The following SPATA13 variants were observed in gnomAD, a reference collection of about 807,000 sequenced individuals.
SPATA13 encodes the protein spermatogenesis-associated protein 13.
A neutral mutation model predicts 104.0 loss-of-function variants in SPATA13; 50 were observed. The observed-to-expected ratio is 0.48, with a 90% CI of 0.38 to 0.61. The LOEUF (loss-of-function observed/expected upper bound fraction) is 0.61. SPATA13 is among the 20% of genes least tolerant of loss of function. The pLI is 0.00. For synonymous variants in SPATA13, 606 were observed against 667.5 expected (o/e 0.91, Z 1.42); for missense variants, 1,524 against 1,690.6 (o/e 0.90, Z 1.73).
chr13:24,122,441 C>T lies in SPATA13; in HGVS notation c.-111-100378C>T, dbSNP rs771973888. 565 of 1,599,452 alleles carry T rather than the reference C, an allele frequency of 3.5e-4. 2 individuals carry two copies. The highest frequency in any genetic ancestry group is 7.4e-4 in the East Asian group (33 of 44,788). On this transcript the variant is annotated intron_variant, in intron 3 of 14. Transcript: ENST00000424834. ...GCATCATCTTCTTACCAGTCTTCAT[C>T]GTCTCCATCTTCACCAGCCTGCTTA...
chr13:24,155,497 C>T (rs534008848), intron 3 of SPATA13, among the ~76,000 whole-genome samples: 2 of 152,054 alleles, frequency 1.3e-5, no homozygotes, highest in Non-Finnish European at 2.9e-5. Context: ...CACACACTCT[C>T]GGTGCCTAGA....
At position 24,302,297 on chromosome 13, in the gene SPATA13, C is replaced by G. The variant is rs1138013; in HGVS notation, c.3659-301C>G. Among the ~76,000 whole-genome samples, 9 of 151,666 alleles carry G rather than the reference C, an allele frequency of 5.9e-5. No individual in the cohort carries two copies. The East Asian group carries it at 1.7e-3, about 29-fold the overall frequency. ...ACGTGAATTAAGAATTAGCTCTCTA[C>G]AAAAAAATATAAAAATTAGCTGGGC... On this transcript the variant is annotated intron_variant, in intron 12 of 12. Transcript: ENST00000382108.
rs77846072 is a variant in SPATA13 at position 24,073,891 on chromosome 13, A to C, written c.-112+56190A>C. Among the ~76,000 whole-genome samples the C allele has an allele frequency of 2.8e-3, 434 of 152,366 alleles. 14 individuals are homozygous for C. In the East Asian group the frequency reaches 0.062, roughly 22 times the overall value. On this transcript the variant is annotated intron_variant, in intron 3 of 14. Transcript: ENST00000424834. ...CTCTGGTGTGCCAGTTACGTAGACC[A>C]AGACATAAATGGAAATTCTTGGAGA...
intron 4 of SPATA13, among the ~76,000 whole-genome samples, chr13:24,283,562 C>A (rs1237513314): frequency 1.3e-5 from 2 of 152,212 alleles, no homozygotes; most frequent in Non-Finnish European, 2.9e-5. Flanking sequence ...CTGCACCATC[C>A]TTAAAAGATC....
chr13:24,056,811 TCGGGCCACAGGTCCAATTCTGCC>T (rs2137749072), intron 3 of SPATA13, among the ~76,000 whole-genome samples: 1 of 152,210 alleles, frequency 6.6e-6, no homozygotes, highest in Non-Finnish European at 1.5e-5. Flanking sequence ...TCCAAGCTGA[TCGGGCCACAGGTCCAATTCTGCC>T]CCTCACATCG....
At chr13:24,292,859 G>A (rs981078902) in intron 9 of SPATA13, among the ~76,000 whole-genome samples, 1 of 151,944 alleles carries the variant, frequency 6.6e-6, no homozygotes. Flanking sequence ...AGCTGGGCAT[G>A]GTGGCGGGCA....
intron 1 of SPATA13, among the ~76,000 whole-genome samples, chr13:24,217,924 C>T (rs978741809): frequency 2.0e-5 from 3 of 152,216 alleles, no homozygotes; most frequent in Non-Finnish European, 2.9e-5. Flanking sequence ...CAAACCTGGA[C>T]AGAAGCCATT....
intron 4 of SPATA13, among the ~76,000 whole-genome samples, chr13:24,280,467 A>G (rs1022245810): frequency 2.7e-5 from 4 of 149,292 alleles, no homozygotes; most frequent in Non-Finnish European, 4.4e-5. Flanking sequence ...GGAAGCCCCA[A>G]TGCCTTTATT....
At chr13:24,203,748 T>C (rs1295379060) in intron 1 of SPATA13, among the ~76,000 whole-genome samples, 1 of 152,182 alleles carries the variant, frequency 6.6e-6, no homozygotes, top group Non-Finnish European at 1.5e-5. Flanking sequence ...TTTTATATTA[T>C]TAAATACAGA....
intron 2 of SPATA13, among the ~76,000 whole-genome samples, chr13:24,225,021 G>C (rs1871851513): frequency 6.6e-6 from 1 of 152,236 alleles, no homozygotes; most frequent in Non-Finnish European, 1.5e-5. Context: ...ACTATTACCT[G>C]TCCTAATGTC....
chr13:24,177,221 A>C (rs1239376201), intron 1 of SPATA13, among the ~76,000 whole-genome samples: 1 of 152,088 alleles, frequency 6.6e-6, no homozygotes, highest in Non-Finnish European at 1.5e-5. Context: ...TACTTTTAAC[A>C]ATTAAGAAAT....
intron 3 of SPATA13, among the ~76,000 whole-genome samples, chr13:24,035,229 ATT>A (rs1877633867): frequency 6.6e-6 from 1 of 152,178 alleles, no homozygotes; most frequent in Non-Finnish European, 1.5e-5. Context: ...ATCTCAGCTC[ATT>A]GCTACCTCCA....
chr13:24,048,301 G>T (rs541557439), intron 3 of SPATA13, among the ~76,000 whole-genome samples: 1 of 151,568 alleles, frequency 6.6e-6, no homozygotes, highest in Admixed American at 6.6e-5. Flanking sequence ...TTAGCATTAC[G>T]TTATATTGTT....
intron 1 of SPATA13, among the ~76,000 whole-genome samples, chr13:24,183,605 ATTTT>A (rs58865453): frequency 2.4e-4 from 35 of 147,958 alleles, no homozygotes; most frequent in Non-Finnish European, 2.4e-4. Flanking sequence ...ATTTCTTTAC[ATTTT>A]TTTTTTTTTT....
intron 3 of SPATA13, among the ~76,000 whole-genome samples, chr13:24,080,763 GGA>G (rs777301316): frequency 6.6e-6 from 1 of 152,204 alleles, no homozygotes; most frequent in Non-Finnish European, 1.5e-5. Context: ...TATGGCATGT[GGA>G]ACGTCCATCG....
chr13:24,188,126 A>G (rs188293651), intron 1 of SPATA13, among the ~76,000 whole-genome samples: 1 of 151,918 alleles, frequency 6.6e-6, no homozygotes, highest in Admixed American at 6.6e-5. Flanking sequence ...AGATTGCCTG[A>G]GCTCAGGAGT....
chr13:24,211,786 A>C (rs1015327455), intron 1 of SPATA13, among the ~76,000 whole-genome samples: 3 of 152,124 alleles, frequency 2.0e-5, no homozygotes, highest in African/African-American at 7.2e-5. Context: ...TGACCTTTAG[A>C]GTAAACCCCA....
intron 3 of SPATA13, chr13:24,123,881 C>T: frequency 1.5e-6 from 1 of 667,374 alleles, no homozygotes; most frequent in South Asian, 1.8e-5. Flanking sequence ...GAAAATAAAA[C>T]TCCTCCACCC....
Position 24,192,006 on chromosome 13 carries a change from C to A in SPATA13, c.-111-30813C>A, listed in dbSNP as rs570128412. The stretch of plus-strand genomic sequence containing the variant: ...AAAGGGAACAAAAAAGAAAAATACA[C>A]GGCAAAGTGAGATGGAGTCCTGCTA... On this transcript the variant is annotated intron_variant, in intron 1 of 12. Transcript: ENST00000382108. Among the ~76,000 whole-genome samples the A allele has an allele frequency of 4.5e-4, 69 of 152,226 alleles. 2 individuals are homozygous for A. In the South Asian group the frequency reaches 0.014, roughly 31 times the overall value.
Sources: gnomAD v4.1 joint callset for allele counts (sites outside exome capture counted in the v4.1 genomes callset) on GRCh38, gnomAD v4.1.1 for gene constraint, MANE v1.5 for transcripts, NCBI Gene and HGNC (gene_info 2026-07-23, HGNC 2026-07-21) for gene names.